The following C8orf34 variants were observed in gnomAD, a reference collection of about 807,000 sequenced individuals.
C8orf34 encodes the protein uncharacterized protein C8orf34.
In C8orf34, 65 loss-of-function variants were observed where a neutral mutation model predicts 68.3. The observed-to-expected ratio is 0.95, with a 90% CI of 0.78 to 1.17. The LOEUF (loss-of-function observed/expected upper bound fraction) is 1.17, where lower values mean the gene tolerates loss of function less well. Ranked by LOEUF, C8orf34 falls within the 50% of genes most tolerant of loss-of-function variation. The probability of loss-of-function intolerance (pLI) is 0.00; values close to 1 mark genes in which losing one functional copy is unlikely to be tolerated. For missense variants in C8orf34, 664 were observed against 655.4 expected, an observed-to-expected ratio of 1.01 and a Z score of -0.14; for synonymous variants, 244 against 241.2, an observed-to-expected ratio of 1.01 and a Z score of -0.11.
intron 12 of C8orf34, among the ~76,000 whole-genome samples, chr8:68,807,816 G>T (rs1168179853): frequency 6.6e-6 from 1 of 152,118 alleles, no homozygotes; most frequent in East Asian, 1.9e-4. Context: ...GAGATTATTT[G>T]AATTAAATAA....
chr8:68,392,045 G>A (rs540243440), intron 1 of C8orf34, among the ~76,000 whole-genome samples: 1 of 151,922 alleles, frequency 6.6e-6, no homozygotes, highest in Non-Finnish European at 1.5e-5. Context: ...GTTGGTAAAG[G>A]GTAGCTGACT....
intron 5 of C8orf34, among the ~76,000 whole-genome samples, chr8:68,500,858 A>G (rs568800882): frequency 6.6e-6 from 1 of 152,196 alleles, no homozygotes; most frequent in Non-Finnish European, 1.5e-5. Context: ...AAAAATTTTT[A>G]AAATAGATAC....
intron 1 of C8orf34, among the ~76,000 whole-genome samples, chr8:68,435,049 CAA>C (rs550862710): frequency 2.0e-4 from 15 of 75,676 alleles, no homozygotes; most frequent in Non-Finnish European, 2.2e-4. Flanking sequence ...GACTCCATCT[CAA>C]AAAAAAAAAA....
intron 10 of C8orf34, among the ~76,000 whole-genome samples, chr8:68,772,500 A>G (rs1236965665): frequency 6.6e-6 from 1 of 152,198 alleles, no homozygotes; most frequent in Non-Finnish European, 1.5e-5. Context: ...GCATAGTCCC[A>G]TGCCATACGT....
chr8:68,357,355 A>G (rs1032842193), intron 1 of C8orf34, among the ~76,000 whole-genome samples: 5 of 152,132 alleles, frequency 3.3e-5, no homozygotes. Context: ...CAGACTTTCC[A>G]TAGCTTCACA....
At chr8:68,797,126 C>T (rs1238992906) in intron 12 of C8orf34, among the ~76,000 whole-genome samples, 2 of 152,146 alleles carry the variant, frequency 1.3e-5, no homozygotes, top group Non-Finnish European at 2.9e-5. Context: ...CGCACCCAGC[C>T]TATTTGAGTT....
At chr8:68,751,493 T>C (rs78732374) in intron 10 of C8orf34, among the ~76,000 whole-genome samples, 10,793 of 152,224 alleles carry the variant, frequency 0.071, 997 homozygotes, top group East Asian at 0.47. Flanking sequence ...ACTTAATACT[T>C]GGTGAGTCTT....
rs1167075015 is a variant in C8orf34, at chr8:68,772,705, CTCTT to C, written c.1405-3676_1405-3673del. ...TCTTTCCCTCCCTCCCTCCCTCCCT[CTCTT>C]TCTTTCTTTCTTTCTTTTTCTTTCT... On this transcript the variant is annotated intron_variant, in intron 10 of 13. Transcript: ENST00000518698. Among the ~76,000 whole-genome samples, 1,295 of 136,190 alleles carry C rather than the reference CTCTT, an allele frequency of 9.5e-3. 17 individuals are homozygous for C. The highest frequency in any genetic ancestry group is 0.03 in the African/African-American group (1,112 of 36,474). 89.3% of individuals were successfully genotyped at this position (136,190 alleles called of 152,430 possible).
chr8:68,671,407 G>A (rs1027458736), intron 8 of C8orf34, among the ~76,000 whole-genome samples: 4 of 152,234 alleles, frequency 2.6e-5, no homozygotes, highest in African/African-American at 7.2e-5. Flanking sequence ...TTACTGAGAC[G>A]AGAAACAGCT....
At chr8:68,741,237 T>C (rs1005480351) in intron 10 of C8orf34, among the ~76,000 whole-genome samples, 15 of 152,262 alleles carry the variant, frequency 9.9e-5, no homozygotes, top group South Asian at 6.2e-4. Context: ...AAAAGTTAAA[T>C]AAAAAAATTC....
chr8:68,413,788 T>A (rs1809545487), intron 1 of C8orf34, among the ~76,000 whole-genome samples: 1 of 152,204 alleles, frequency 6.6e-6, no homozygotes, highest in Non-Finnish European at 1.5e-5. Context: ...AGTTCTTCCT[T>A]CTTCCTCTCT....
intron 12 of C8orf34, among the ~76,000 whole-genome samples, chr8:68,805,360 C>T (rs1278883119): frequency 6.6e-6 from 1 of 152,128 alleles, no homozygotes; most frequent in African/African-American, 2.4e-5. Context: ...GTAGAGGTGG[C>T]TGATTGTGTT....
chr8:68,772,436 T>C (rs1180436106), intron 10 of C8orf34, among the ~76,000 whole-genome samples: 1 of 152,186 alleles, frequency 6.6e-6, no homozygotes, highest in African/African-American at 2.4e-5. Flanking sequence ...ACTGAGAATG[T>C]TTCCTTAACT....
intron 1 of C8orf34, among the ~76,000 whole-genome samples, chr8:68,421,329 C>A (rs577620488): frequency 1.1e-4 from 16 of 152,304 alleles, no homozygotes; most frequent in South Asian, 6.2e-4. Flanking sequence ...CTTTTTATAT[C>A]TCTTATACCT....
chr8:68,361,639 T>G (rs1187163143), intron 1 of C8orf34, among the ~76,000 whole-genome samples: 1 of 152,264 alleles, frequency 6.6e-6, no homozygotes, highest in Non-Finnish European at 1.5e-5. Context: ...TTGCACCCAT[T>G]TCTGTGGTTA....
intron 8 of C8orf34, among the ~76,000 whole-genome samples, chr8:68,671,330 G>C (rs1162335846): frequency 6.6e-6 from 1 of 152,180 alleles, no homozygotes; most frequent in Non-Finnish European, 1.5e-5. Context: ...TCTGATCACT[G>C]AGAACGATCA....
chr8:68,750,066 A>G (rs1198368076), intron 10 of C8orf34, among the ~76,000 whole-genome samples: 1 of 152,172 alleles, frequency 6.6e-6, no homozygotes, highest in Non-Finnish European at 1.5e-5. Flanking sequence ...AGGGAACAAA[A>G]TTAATGTTGT....
At chr8:68,445,582 T>A (rs894499177) in intron 2 of C8orf34, among the ~76,000 whole-genome samples, 1 of 152,268 alleles carries the variant, frequency 6.6e-6, no homozygotes, top group African/African-American at 2.4e-5. Flanking sequence ...TGTTGGTTGA[T>A]TTAAATTTAT....
At chr8:68,771,238 T>C (rs991821512) in intron 10 of C8orf34, among the ~76,000 whole-genome samples, 9 of 152,300 alleles carry the variant, frequency 5.9e-5, no homozygotes, top group African/African-American at 2.2e-4. Context: ...TTTTCATTAA[T>C]TGGGGATAAA....
Sources: gnomAD v4.1 joint callset for allele counts (sites outside exome capture counted in the v4.1 genomes callset) on GRCh38, gnomAD v4.1.1 for gene constraint, MANE v1.5 for transcripts, NCBI Gene and HGNC (gene_info 2026-07-23, HGNC 2026-07-21) for gene names.